Variants in ARL6IP6 observed in about 807,000 individuals in gnomAD.
ARL6IP6 encodes ARF like GTPase 6 interacting protein 6, also known as ADP-ribosylation factor-like protein 6-interacting protein 6.
ARL6IP6 carries 22 observed loss-of-function variants against 21.5 expected under a neutral mutation model. The ratio of observed to expected loss-of-function variants is 1.02; its 90% CI spans 0.73 to 1.46. ARL6IP6 has a LOEUF of 1.46. ARL6IP6 is among the 40% of genes most tolerant of loss of function. The pLI is 0.00. For missense variants in ARL6IP6, 388 were observed against 299.8 expected (o/e 1.29, Z -2.17); for synonymous variants, 164 against 125.3 (o/e 1.31, Z -2.06).
At chr2:152,737,925 C>T (rs1559233466) in intron 3 of ARL6IP6, among the ~76,000 whole-genome samples, 1 of 152,176 alleles carries the variant, frequency 6.6e-6, no homozygotes, top group East Asian at 1.9e-4. Context: ...AGCATTAACT[C>T]ATAAGTCCAC....
chr2:152,754,680 A>G (rs914858173), intron 3 of ARL6IP6, among the ~76,000 whole-genome samples: 1 of 152,126 alleles, frequency 6.6e-6, no homozygotes, highest in African/African-American at 2.4e-5. Context: ...CATTCCCACC[A>G]GCAATGTTCA....
intron 2 of ARL6IP6, among the ~76,000 whole-genome samples, chr2:152,722,864 C>T (rs563754119): frequency 8.5e-5 from 13 of 152,272 alleles, no homozygotes; most frequent in East Asian, 1.9e-4. Flanking sequence ...GCCAAGATTG[C>T]GCCACTGCAT....
chr2:152,731,507 C>A (rs926701697), intron 2 of ARL6IP6, among the ~76,000 whole-genome samples: 1 of 152,200 alleles, frequency 6.6e-6, no homozygotes, highest in Admixed American at 6.5e-5. Context: ...ATGGAACACA[C>A]TCTCAGAAAC....
chr2:152,718,136 A>C (rs928246947), upstream of ARL6IP6: 1 of 872,448 alleles, frequency 1.1e-6, no homozygotes, highest in Non-Finnish European at 1.4e-6. Context: ...AGGTGCCCTT[A>C]ATGGGGGAAC....
At chr2:152,734,966 A>T (rs767366216) in intron 2 of ARL6IP6, 28 bp from the exon 3 acceptor site, 110 of 1,599,020 alleles carry the variant, frequency 6.9e-5, no homozygotes, top group Non-Finnish European at 9.2e-5. Flanking sequence ...TTAATAATGT[A>T]CTTTTTCCCC....
chr2:152,725,685 C>T (rs1178479233), intron 2 of ARL6IP6, among the ~76,000 whole-genome samples: 1 of 151,390 alleles, frequency 6.6e-6, no homozygotes, highest in East Asian at 1.9e-4. Context: ...CAAGCTGTAA[C>T]CAATTTGAGA....
At chr2:152,750,973 T>C (rs528833094) in intron 3 of ARL6IP6, among the ~76,000 whole-genome samples, 2 of 152,202 alleles carry the variant, frequency 1.3e-5, no homozygotes, top group Non-Finnish European at 2.9e-5. Context: ...ATATAAGCCT[T>C]GTAAATTTTG....
At position 152,759,905 on chromosome 2, in the gene ARL6IP6, G is replaced by A. The variant is rs1701757430; in HGVS notation, c.*65G>A. 41 of 1,357,446 alleles carry A rather than the reference G, an allele frequency of 3.0e-5. No individual in the cohort carries two copies. The South Asian group carries it at 4.5e-4, about 15-fold the overall frequency. The allele number at this position is 1,357,446 out of a possible 1,614,324, so 84.1% of individuals were successfully genotyped here. On this transcript the variant is annotated 3_prime_UTR_variant, in exon 4 of 4. Transcript: ENST00000326446. Reference sequence around the variant, plus strand: ...GATTGTTTTGTAATAACAAGAAGGAGCATCACTGTCTACTCAGAAGACTGA... The same window carrying A: ...GATTGTTTTGTAATAACAAGAAGGAACATCACTGTCTACTCAGAAGACTGA...
At chr2:152,729,487 A>G (rs1296579773) in intron 2 of ARL6IP6, among the ~76,000 whole-genome samples, 2 of 152,202 alleles carry the variant, frequency 1.3e-5, no homozygotes, top group African/African-American at 4.8e-5. Context: ...GGAAATTTGT[A>G]ACATCTATGT....
rs186117550 is a variant in ARL6IP6 at position 152,727,940 on chromosome 2, T to G, written c.455-7054T>G. 1.6e-4 allele frequency among the ~76,000 whole-genome samples: 25 copies of G among 152,356 alleles called. No homozygotes were observed. In the East Asian group the frequency reaches 4.2e-3, roughly 26 times the overall value. On this transcript the variant is annotated intron_variant, in intron 2 of 3. Coordinates refer to ENST00000326446, the MANE Select transcript of ARL6IP6 (RefSeq NM_152522.7). ...TAAAATGCATTAGTTACGTAAGTAA[T>G]TTAATCTCACCAGGAAAGATTCCAA...
At chr2:152,719,344 TA>T (rs560676350) in intron 1 of ARL6IP6, among the ~76,000 whole-genome samples, 2 of 152,192 alleles carry the variant, frequency 1.3e-5, no homozygotes, top group South Asian at 4.2e-4. Context: ...CACCCACCAT[TA>T]AAAGGAGACA....
chr2:152,746,001 CTTTTT>C (rs67760283), intron 3 of ARL6IP6, among the ~76,000 whole-genome samples: 21 of 66,380 alleles, frequency 3.2e-4, no homozygotes, highest in African/African-American at 1.6e-3. Flanking sequence ...TGCTTTGTAC[CTTTTT>C]TTTTTTTTTT....
Position 152,735,167 on chromosome 2 carries a change from C to G in ARL6IP6, c.587+41C>G, listed in dbSNP as rs116089287. 3.1e-6 allele frequency: 5 copies of G among 1,604,304 alleles called. No individual in the cohort carries two copies. The East Asian group carries it at 8.9e-5, about 29-fold the overall frequency. Reference sequence around the variant, plus strand: ...TCCTGTTTCTTTTTTAAATGCATTTCAACTCTTGAAAATACTAAAATACTC... The same window carrying G: ...TCCTGTTTCTTTTTTAAATGCATTTGAACTCTTGAAAATACTAAAATACTC... On this transcript the variant is annotated intron_variant, in intron 3 of 3. Coordinates refer to ENST00000326446, the MANE Select transcript of ARL6IP6 (RefSeq NM_152522.7).
rs964682311 is a variant in ARL6IP6 at position 152,759,922 on chromosome 2, G to A, written c.*82G>A. On this transcript the variant is annotated 3_prime_UTR_variant, in exon 4 of 4. Transcript: ENST00000326446. ...AAGAAGGAGCATCACTGTCTACTCA[G>A]AAGACTGAGAAACCTGCTGTTCATT... 1 of 1,149,720 alleles carries A rather than the reference G, an allele frequency of 8.7e-7. No homozygotes were observed. The highest frequency in any genetic ancestry group is 1.3e-5 in the South Asian group (1 of 78,974). The allele number at this position is 1,149,720 out of a possible 1,614,324, so 71.2% of individuals were successfully genotyped here.
chr2:152,728,276 C>T (rs928852247), intron 2 of ARL6IP6, among the ~76,000 whole-genome samples: 2 of 152,146 alleles, frequency 1.3e-5, no homozygotes, highest in East Asian at 1.9e-4. Context: ...TATACAGTCA[C>T]GTTTAATCCC....
chr2:152,721,026 C>G lies in ARL6IP6; in HGVS notation c.454+440C>G, dbSNP rs574402819. ...GGAGGATCACTTAAGCTGGGAAGTT[C>G]AAGGCTGCAGTGAACCGTGATAGTT... On this transcript the variant is annotated intron_variant, in intron 2 of 3. Transcript: ENST00000326446. Among the ~76,000 whole-genome samples the G allele has an allele frequency of 1.8e-4, 28 of 152,234 alleles. 1 individual carries two copies. The highest frequency in any genetic ancestry group is 6.0e-4 in the African/African-American group (25 of 41,544).
intron 2 of ARL6IP6, among the ~76,000 whole-genome samples, chr2:152,733,860 C>A (rs1415273998): frequency 6.6e-6 from 1 of 152,114 alleles, no homozygotes; most frequent in South Asian, 2.1e-4. Context: ...ATGAAGACAG[C>A]AATCTTTTTT....
chr2:152,749,957 TAAC>T (rs1458846134), intron 3 of ARL6IP6, among the ~76,000 whole-genome samples: 23 of 152,342 alleles, frequency 1.5e-4, no homozygotes, highest in Non-Finnish European at 1.3e-4. Flanking sequence ...AGTCACATCT[TAAC>T]AATGTTGATT....
In ARL6IP6 at chr2:152,718,653, C is replaced by A. The variant is rs370204153; in HGVS notation, c.29C>A (p.Ser10Ter). 1.9e-6 allele frequency: 3 copies of A among 1,547,826 alleles called. No homozygotes were observed. The highest frequency in any genetic ancestry group is 1.4e-5 in the African/African-American group (1 of 72,450). Reference protein sequence around the residue: MSFAESGWRSALRRRGPGTP... With the variant: MSFAESGWR ...TCGTTTGCTGAGAGCGGGTGGCGGT[C>A]GGCTCTGCGGCGCCGCGGTCCCGGC... Residue 10 changes from serine (S) to a stop codon, truncating the protein, a stop_gained, in exon 1 of 4, where the codon TCG (serine) becomes TAG (stop). Transcript: ENST00000326446. LOFTEE classifies it high-confidence loss of function.
Sources: allele counts gnomAD v4.1 joint callset (sites outside exome capture counted in the v4.1 genomes callset), GRCh38; gene constraint gnomAD v4.1.1; transcripts MANE v1.5; gene names NCBI Gene and HGNC (gene_info 2026-07-23, HGNC 2026-07-21).